Variants in MREG observed in about 807,000 individuals in gnomAD.
The protein encoded by MREG is dilute suppressor protein homolog.
In MREG, 31 loss-of-function variants were observed where a neutral mutation model predicts 28.5. That is an observed-to-expected ratio of 1.09 (90% CI 0.82 to 1.47). MREG has a LOEUF of 1.47. MREG is among the 40% of genes most tolerant of loss of function. MREG has a pLI of 0.00. For synonymous variants in MREG, 106 were observed against 95.2 expected (o/e 1.11, Z -0.66); for missense variants, 256 against 257.4 (o/e 0.99, Z 0.04).
At chr2:216,001,635 A>G (rs766981255) in intron 1 of MREG, among the ~76,000 whole-genome samples, 1 of 152,194 alleles carries the variant, frequency 6.6e-6, no homozygotes, top group Admixed American at 6.5e-5. Context: ...TAAATAAACA[A>G]AGAACTTTTT....
intron 2 of MREG, among the ~76,000 whole-genome samples, chr2:215,971,537 G>C (rs1262299000): frequency 1.3e-5 from 2 of 152,172 alleles, no homozygotes; most frequent in Admixed American, 1.3e-4. Context: ...TGGACACCTA[G>C]CAATCAAAAG....
intron 1 of MREG, among the ~76,000 whole-genome samples, chr2:216,027,268 C>G (rs1455664542): frequency 6.6e-6 from 1 of 152,152 alleles, no homozygotes; most frequent in Non-Finnish European, 1.5e-5. Context: ...TTGTTGGAAG[C>G]TAAAAAATAT....
Position 215,944,985 on chromosome 2 carries a change from C to A in MREG, c.523G>T (p.Ala175Ser), listed in dbSNP as rs758206625. 1 of 1,583,704 alleles carries A rather than the reference C, an allele frequency of 6.3e-7. No homozygotes were observed. Among genetic ancestry groups the A allele is most frequent in the South Asian group, 1.1e-5 (1 of 88,718 alleles). The change falls in exon 5 of 5, where the codon GCA becomes TCA. Residue 175 changes from alanine (A) to serine (S), a missense_variant. By Grantham distance (99) the Ala-to-Ser change is moderately conservative (BLOSUM62 1). Transcript: ENST00000263268. ...AAGAACTCTTCTGCAGCATCAAGTG[C>A]AATGAGACGGTCCTGCAAAAACAAA... ...RYLFVVDRLIALDAAEEFFKL... is the reference protein window; with the variant it reads ...RYLFVVDRLISLDAAEEFFKL...
At chr2:216,012,838 T>C (rs977537765) in intron 1 of MREG, among the ~76,000 whole-genome samples, 7 of 152,228 alleles carry the variant, frequency 4.6e-5, no homozygotes, top group Non-Finnish European at 8.8e-5. Context: ...ACTTTTTTGC[T>C]GAGTGGCACA....
At chr2:215,978,309 T>A (rs1455928562) in intron 2 of MREG, among the ~76,000 whole-genome samples, 1 of 152,114 alleles carries the variant, frequency 6.6e-6, no homozygotes, top group Non-Finnish European at 1.5e-5. Context: ...CCTGGACACA[T>A]ACACCCTCCC....
At chr2:215,997,694 C>A (rs926508412) in intron 1 of MREG, among the ~76,000 whole-genome samples, 3 of 152,116 alleles carry the variant, frequency 2.0e-5, no homozygotes, top group African/African-American at 7.2e-5. Flanking sequence ...ATGCAAGCTG[C>A]TAAGAGAAAA....
chr2:216,004,560 C>A (rs1429147), intron 1 of MREG, among the ~76,000 whole-genome samples: 88,127 of 147,424 alleles, frequency 0.6, 26,652 homozygotes, highest in East Asian at 0.72. Flanking sequence ...AACAAAAAAA[C>A]AAACAAAAAA....
intron 2 of MREG, among the ~76,000 whole-genome samples, chr2:215,979,314 T>C (rs1019468885): frequency 3.3e-5 from 5 of 151,732 alleles, no homozygotes; most frequent in Non-Finnish European, 5.9e-5. Context: ...AAATACAAAA[T>C]TAGCCGGGCA....
rs3078454 is a variant in MREG, at chr2:215,954,445, A to AACACACACACACACACAC, written c.256-7350_256-7333dup. On this transcript the variant is annotated intron_variant, in intron 2 of 4. Coordinates refer to ENST00000263268, the MANE Select transcript of MREG (RefSeq NM_018000.3). ...TCCTTATTGTATTTGATCTGTGTAC[A>AACACACACACACACACAC]ACACACACACACACACACACACACA... Among the ~76,000 whole-genome samples, 839 of 136,566 alleles carry AACACACACACACACACAC rather than the reference A, an allele frequency of 6.1e-3. 16 individuals are homozygous for AACACACACACACACACAC. The highest frequency in any genetic ancestry group is 0.026 in the East Asian group (119 of 4,580). 89.6% of individuals were successfully genotyped at this position (136,566 alleles called of 152,430 possible). A position where few individuals can be genotyped will look rare whatever the true frequency, so the allele number is the denominator to read the frequency against.
chr2:215,994,815 G>C (rs886120938), intron 2 of MREG, among the ~76,000 whole-genome samples: 1 of 152,186 alleles, frequency 6.6e-6, no homozygotes, highest in Non-Finnish European at 1.5e-5. Context: ...CCTCCAGGGA[G>C]AGCTGCCAAA....
intron 2 of MREG, among the ~76,000 whole-genome samples, chr2:215,953,497 A>T (rs1692539645): frequency 6.6e-6 from 1 of 152,230 alleles, no homozygotes; most frequent in South Asian, 2.1e-4. Context: ...GCCAAAAGAG[A>T]GGCAGTGAAA....
rs1330208496 is a variant in MREG at position 215,943,466 on chromosome 2, C to T, written c.*1397G>A. 1 of 456,674 alleles carries T rather than the reference C, an allele frequency of 2.2e-6. No homozygotes were observed. The highest frequency in any genetic ancestry group is 2.3e-5 in the Admixed American group (1 of 42,570). The allele number at this position is 456,674 out of a possible 1,614,324, so 28.3% of individuals were successfully genotyped here. ...TCCCCCCACAGGTGCAGCTGCCAGCCAACGAATCAGAAACAGATGAAAGAG... is the reference window on the plus strand; with the variant it reads ...TCCCCCCACAGGTGCAGCTGCCAGCTAACGAATCAGAAACAGATGAAAGAG... On this transcript the variant is annotated 3_prime_UTR_variant, in exon 5 of 5. Transcript: ENST00000263268.
chr2:215,972,367 G>A (rs982899985), intron 2 of MREG, among the ~76,000 whole-genome samples: 3 of 152,224 alleles, frequency 2.0e-5, no homozygotes, highest in Non-Finnish European at 4.4e-5. Flanking sequence ...GTGAGGCCAG[G>A]TGCAGTGGCT....
At chr2:215,974,864 TCTCTCTCTCTCC>T (rs1403746075) in intron 2 of MREG, among the ~76,000 whole-genome samples, 14 of 150,040 alleles carry the variant, frequency 9.3e-5, no homozygotes, top group African/African-American at 3.2e-4. Flanking sequence ...TCTCTCTCTC[TCTCTCTCTCTCC>T]CTCTCTCCAC....
At chr2:216,006,812 G>T (rs1164846997) in intron 1 of MREG, among the ~76,000 whole-genome samples, 1 of 152,168 alleles carries the variant, frequency 6.6e-6, no homozygotes, top group South Asian at 2.1e-4. Flanking sequence ...AGAGTTGGTG[G>T]TGATTCCCTT....
intron 2 of MREG, among the ~76,000 whole-genome samples, chr2:215,967,364 T>C (rs1692970266): frequency 6.6e-6 from 1 of 152,228 alleles, no homozygotes; most frequent in South Asian, 2.1e-4. Flanking sequence ...ACAGGGTGCA[T>C]TTTAATATAT....
intron 2 of MREG, among the ~76,000 whole-genome samples, chr2:215,966,267 A>G (rs1692936266): frequency 6.6e-6 from 1 of 152,080 alleles, no homozygotes. Flanking sequence ...GGTAAAATTC[A>G]TGATCCGCGT....
intron 4 of MREG, 107 bp from the exon 5 acceptor site, chr2:215,945,104 A>C (rs1692286584): frequency 8.7e-7 from 1 of 1,148,592 alleles, no homozygotes; most frequent in Admixed American, 2.6e-5. Context: ...TGGAAATGAC[A>C]ATGAGCAAGT....
At chr2:216,033,806 A>G (rs982411489), upstream of MREG, 1 of 152,352 alleles carries the variant, frequency 6.6e-6, no homozygotes, top group Non-Finnish European at 1.5e-5. Flanking sequence ...CACTAGACTG[A>G]GCCACGGCTG....
Sources: allele counts gnomAD v4.1 joint callset (sites outside exome capture counted in the v4.1 genomes callset), GRCh38; gene constraint gnomAD v4.1.1; transcripts MANE v1.5; gene names NCBI Gene and HGNC (gene_info 2026-07-23, HGNC 2026-07-21).